Variants in IL1R1 observed in about 807,000 individuals in gnomAD.
IL1R1 encodes the protein interleukin 1 receptor type 1.
Under a neutral mutation model 50.2 loss-of-function variants are expected in IL1R1, and 22 were observed. That is an observed-to-expected ratio of 0.44 (90% CI 0.31 to 0.63). The LOEUF (loss-of-function observed/expected upper bound fraction) is 0.63, where lower values mean the gene tolerates loss of function less well. IL1R1 is among the 20% of genes least tolerant of loss of function. The pLI is 0.07. For missense variants in IL1R1, 509 were observed against 676.2 expected, an observed-to-expected ratio of 0.75 and a Z score of 2.74; for synonymous variants, 251 against 236.7, an observed-to-expected ratio of 1.06 and a Z score of -0.55.
chr2:102,126,501 G>A lies in IL1R1; in HGVS notation c.-84+21629G>A, dbSNP rs1056819526. On this transcript the variant is annotated intron_variant, in intron 1 of 10. Transcript: ENST00000409329. The stretch of plus-strand genomic sequence containing the variant: ...AAATTTATACGTATTAAAACTGTGC[G>A]AAAAATACTTTGTGTTTATATGACA... 3.3e-4 allele frequency among the ~76,000 whole-genome samples: 50 copies of A among 151,912 alleles called. 1 individual carries two copies. The highest frequency in any genetic ancestry group is 6.2e-4 in the South Asian group (3 of 4,818).
intron 1 of IL1R1, among the ~76,000 whole-genome samples, chr2:102,098,586 A>T (rs905730467): frequency 6.6e-6 from 1 of 152,162 alleles, no homozygotes; most frequent in African/African-American, 2.4e-5. Context: ...TCAAATCCCT[A>T]TTTAATTGCA....
chr2:102,097,168 C>T (rs149955890), intron 1 of IL1R1, among the ~76,000 whole-genome samples: 2,131 of 152,162 alleles, frequency 0.014, 54 homozygotes, highest in South Asian at 0.12. Context: ...TATCGGGGAT[C>T]GGGGCTGCTT....
intron 1 of IL1R1, among the ~76,000 whole-genome samples, chr2:102,112,178 C>T (rs1410359788): frequency 6.6e-6 from 1 of 151,832 alleles, no homozygotes; most frequent in Non-Finnish European, 1.5e-5. Flanking sequence ...TGGCTCTAAG[C>T]CCAGAGGTGC....
chr2:102,147,027 C>T (rs1225584643), intron 1 of IL1R1, among the ~76,000 whole-genome samples: 2 of 152,186 alleles, frequency 1.3e-5, no homozygotes. Flanking sequence ...CCGGACATGT[C>T]TAAGCCAGCC....
At chr2:102,101,138 C>T (rs375576484), upstream of IL1R1, among the ~76,000 whole-genome samples, 3 of 152,308 alleles carry the variant, frequency 2.0e-5, no homozygotes, top group South Asian at 6.2e-4. Context: ...GATTTGAATT[C>T]AGTGGTTCTG....
chr2:102,073,134 T>C (rs1313165027), intron 1 of IL1R1, among the ~76,000 whole-genome samples: 1 of 152,190 alleles, frequency 6.6e-6, no homozygotes, highest in Non-Finnish European at 1.5e-5. Context: ...GGCTCCACTT[T>C]GGATGCAGTA....
chr2:102,165,360 G>A (rs1321954968), intron 5 of IL1R1, 56 bp downstream of exon 5: 2 of 972,912 alleles, frequency 2.1e-6, no homozygotes, highest in African/African-American at 1.7e-5. Flanking sequence ...ATAGTTCCCT[G>A]GACAATAGAA....
chr2:102,166,350 C>A, intron 6 of IL1R1, 69 bp downstream of exon 6: 1 of 1,178,760 alleles, frequency 8.5e-7, no homozygotes, highest in Non-Finnish European at 1.2e-6. Flanking sequence ...TCTAATACTA[C>A]TTTCATTATC....
At chr2:102,079,341 T>C (rs1270233125) in intron 1 of IL1R1, among the ~76,000 whole-genome samples, 1 of 152,162 alleles carries the variant, frequency 6.6e-6, no homozygotes, top group Non-Finnish European at 1.5e-5. Context: ...TGGTCTTGTA[T>C]ATAGAACATT....
intron 1 of IL1R1, among the ~76,000 whole-genome samples, chr2:102,080,841 A>G (rs1038350269): frequency 6.6e-6 from 1 of 152,240 alleles, no homozygotes; most frequent in Non-Finnish European, 1.5e-5. Flanking sequence ...AACAATATGC[A>G]GTATATCCAA....
upstream of IL1R1, among the ~76,000 whole-genome samples, chr2:102,139,230 T>C (rs150730571): frequency 3.9e-5 from 6 of 152,308 alleles, no homozygotes; most frequent in East Asian, 1.2e-3. Context: ...TCTTTGGTCT[T>C]CTTAGCTTCT....
At chr2:102,076,479 A>G (rs1202307730) in intron 1 of IL1R1, among the ~76,000 whole-genome samples, 9 of 152,096 alleles carry the variant, frequency 5.9e-5, no homozygotes, top group Non-Finnish European at 1.0e-4. Context: ...TTCCTTCAAC[A>G]TTTCTTATAG....
intron 3 of IL1R1, among the ~76,000 whole-genome samples, chr2:102,161,609 T>G (rs1684733554): frequency 6.6e-6 from 1 of 152,216 alleles, no homozygotes. Flanking sequence ...TCATGTATTT[T>G]GAAGCACTGT....
rs1577862020 is a variant in IL1R1 at position 102,108,559 on chromosome 2, A to T, written c.-84+3687A>T. Reference sequence around the variant, plus strand: ...CGGATCAATCAATGTTTCTCAAATGAGTCAATGTAAGGGAGGTAGAAAAAT... The same window carrying T: ...CGGATCAATCAATGTTTCTCAAATGTGTCAATGTAAGGGAGGTAGAAAAAT... On this transcript the variant is annotated intron_variant, in intron 1 of 10. Coordinates refer to the IL1R1 transcript ENST00000409329. Among the ~76,000 whole-genome samples, 3 of 152,028 alleles carry T rather than the reference A, an allele frequency of 2.0e-5. No individual in the cohort carries two copies. The East Asian group carries it at 5.8e-4, about 29-fold the overall frequency.
chr2:102,122,849 A>G (rs917221173), intron 1 of IL1R1, among the ~76,000 whole-genome samples: 5 of 152,196 alleles, frequency 3.3e-5, no homozygotes, highest in Non-Finnish European at 7.3e-5. Context: ...TTTTGACTCC[A>G]TCTATAACAC....
intron 8 of IL1R1, 24 bp downstream of exon 8, chr2:102,171,942 C>A: frequency 1.6e-6 from 2 of 1,217,108 alleles, no homozygotes; most frequent in Middle Eastern, 2.0e-4. Flanking sequence ...GAGTTATTCA[C>A]ATTTTGGTGT....
intron 1 of IL1R1, among the ~76,000 whole-genome samples, chr2:102,121,806 T>C (rs1681422225): frequency 6.6e-6 from 1 of 152,260 alleles, no homozygotes; most frequent in Non-Finnish European, 1.5e-5. Flanking sequence ...ATTTTTTTTC[T>C]TATTGTACAT....
intron 1 of IL1R1, among the ~76,000 whole-genome samples, chr2:102,086,492 T>A (rs78272816): frequency 0.029 from 4,361 of 152,296 alleles, 205 homozygotes; most frequent in African/African-American, 0.099. Context: ...GTTTGAAAAG[T>A]TGTCAGTCAT....
chr2:102,124,293 G>A (rs1419459471), intron 1 of IL1R1, among the ~76,000 whole-genome samples: 3 of 151,908 alleles, frequency 2.0e-5, no homozygotes, highest in Non-Finnish European at 4.4e-5. Flanking sequence ...ATGGTGGTGC[G>A]CCTGTAATCC....
Sources: allele counts gnomAD v4.1 joint callset (sites outside exome capture counted in the v4.1 genomes callset), GRCh38; gene constraint gnomAD v4.1.1; transcripts MANE v1.5; gene names NCBI Gene and HGNC (gene_info 2026-07-23, HGNC 2026-07-21).